The following OTULINL variants were observed in gnomAD, a reference collection of about 807,000 sequenced individuals.
OTULINL encodes the protein OTU deubiquitinase with linear linkage specificity like, also known as inactive ubiquitin thioesterase OTULINL.
A neutral mutation model predicts 43.9 loss-of-function variants in OTULINL; 42 were observed. That is an observed-to-expected ratio of 0.96 (90% CI 0.75 to 1.24). OTULINL has a LOEUF of 1.24. OTULINL is among the 50% of genes most tolerant of loss of function. OTULINL has a pLI of 0.00. For missense variants in OTULINL, 411 were observed against 426.4 expected (o/e 0.96, Z 0.32); for synonymous variants, 172 against 153.6 (o/e 1.12, Z -0.88).
Position 14,615,812 on chromosome 5 carries a change from C to T in OTULINL, c.*5498C>T, listed in dbSNP as rs1197554305. Among the ~76,000 whole-genome samples the T allele has an allele frequency of 6.6e-6, 1 of 152,198 alleles. No homozygotes were observed. The highest frequency in any genetic ancestry group is 1.5e-5 in the Non-Finnish European group (1 of 68,040). ...GGTAACAATGAAGTGCTCCAATCTG[C>T]TTGTGAGACCAGTTAGATTAGTAGT... is the stretch of plus-strand genomic sequence containing the variant. On this transcript the variant is annotated 3_prime_UTR_variant, in exon 8 of 8. Transcript: ENST00000274217.
At chr5:14,588,054 A>G (rs1759138150) in intron 1 of OTULINL, among the ~76,000 whole-genome samples, 1 of 152,152 alleles carries the variant, frequency 6.6e-6, no homozygotes, top group South Asian at 2.1e-4. Flanking sequence ...ACCCAGCATG[A>G]ACTTCCAAGG....
chr5:14,583,647 T>A (rs1759056275), intron 1 of OTULINL, among the ~76,000 whole-genome samples: 2 of 152,188 alleles, frequency 1.3e-5, no homozygotes, highest in Admixed American at 1.3e-4. Context: ...GCAGTTGGTG[T>A]GCAGCAGAGG....
intron 5 of OTULINL, 74 bp downstream of exon 5, chr5:14,602,406 G>A: frequency 7.2e-7 from 1 of 1,393,510 alleles, no homozygotes. Context: ...AGTCTTTGGG[G>A]GCTTTGTACT....
In OTULINL at chr5:14,581,828, C is replaced by A. The variant is rs939520871; in HGVS notation, c.-67C>A. 4 of 1,251,280 alleles carry A rather than the reference C, an allele frequency of 3.2e-6. No homozygotes were observed. The highest frequency in any genetic ancestry group is 1.6e-5 in the African/African-American group (1 of 63,070). 77.5% of individuals were successfully genotyped at this position (1,251,280 alleles called of 1,614,324 possible). A position where few individuals can be genotyped will look rare whatever the true frequency, so the allele number is the denominator to read the frequency against. ...GCGAGCCCGGGCGCCGGCGGGCGGC[C>A]GTCGCGTCTGACAGACCACTGCAGA... On this transcript the variant is annotated 5_prime_UTR_variant, in exon 1 of 8. Coordinates refer to ENST00000274217, the MANE Select transcript of OTULINL (RefSeq NM_019018.3).
rs1759614737 is a variant in OTULINL, at chr5:14,613,433, TA to T, written c.*3123del. 6.6e-6 allele frequency among the ~76,000 whole-genome samples: 1 copy of T among 152,146 alleles called. No individual in the cohort carries two copies. The highest frequency in any genetic ancestry group is 2.4e-5 in the African/African-American group (1 of 41,430). On this transcript the variant is annotated 3_prime_UTR_variant, in exon 8 of 8. Transcript: ENST00000274217. ...CTAATCTGAGTATTTCCTCTGGGCT[TA>T]AAAGAGCCTCAGTGGAGAAGTACAA...
chr5:14,602,427 T>C, intron 5 of OTULINL, 95 bp downstream of exon 5: 1 of 1,229,274 alleles, frequency 8.1e-7, no homozygotes. Context: ...CAGATGACCA[T>C]GAGATTGAAG....
Position 14,610,145 on chromosome 5 carries a change from A to G in OTULINL, c.902A>G (p.Asp301Gly), listed in dbSNP as rs568330735. Residue 301 changes from aspartate (D) to glycine (G), a missense_variant, in exon 8 of 8, where the codon GAT (aspartate) becomes GGT (glycine). Physicochemically the swap from Asp to Gly is moderately conservative, Grantham distance 94 (BLOSUM62 -1). Coordinates refer to ENST00000274217, the MANE Select transcript of OTULINL (RefSeq NM_019018.3). ...VGDTCGLEQI[D>G]MFILGYSLEV... ...TGTCTTTCATCTCATCCACAGATTG[A>G]TATGTTTATACTTGGATACTCCCTT... is the stretch of plus-strand genomic sequence containing the variant. 11 of 1,612,684 alleles carry G rather than the reference A, an allele frequency of 6.8e-6. No individual in the cohort carries two copies. Among genetic ancestry groups the G allele is most frequent in the African/African-American group, 5.3e-5 (4 of 75,008 alleles).
Position 14,613,660 on chromosome 5 carries a change from C to A in OTULINL, c.*3346C>A, listed in dbSNP as rs1460990480. On this transcript the variant is annotated 3_prime_UTR_variant, in exon 8 of 8. Coordinates refer to ENST00000274217, the MANE Select transcript of OTULINL (RefSeq NM_019018.3). ...CCAAGAAACTATTAATTCAGAGCCA[C>A]CCTGGTGAGTTGAATTTCTTGAATG... Among the ~76,000 whole-genome samples, 6 of 152,186 alleles carry A rather than the reference C, an allele frequency of 3.9e-5. No individual in the cohort carries two copies. The highest frequency in any genetic ancestry group is 2.0e-4 in the Admixed American group (3 of 15,282).
Position 14,607,361 on chromosome 5 carries a change from G to A in OTULINL, c.530G>A (p.Cys177Tyr). ...LPEKLLFSQG[C>Y]NWIQQYSFGP... Reference sequence around the variant, plus strand: ...GAAAAACTGCTGTTTTCACAAGGTTGTAATTGGATTCAGCAGTACAGTTTT... The same window carrying A: ...GAAAAACTGCTGTTTTCACAAGGTTATAATTGGATTCAGCAGTACAGTTTT... The change falls in exon 6 of 8, where the codon TGT becomes TAT. Residue 177 changes from cysteine to tyrosine, a missense_variant. Coordinates refer to ENST00000274217, the MANE Select transcript of OTULINL (RefSeq NM_019018.3). The A allele has an allele frequency of 6.2e-7, 1 of 1,614,002 alleles. No individual in the cohort carries two copies. Among genetic ancestry groups the A allele is most frequent in the Non-Finnish European group, 8.5e-7 (1 of 1,179,974 alleles).
chr5:14,594,976 A>G (rs189411362), intron 1 of OTULINL, among the ~76,000 whole-genome samples: 6 of 152,192 alleles, frequency 3.9e-5, no homozygotes, highest in Admixed American at 2.6e-4. Flanking sequence ...ACTAACCATA[A>G]TAGGACATTG....
intron 5 of OTULINL, among the ~76,000 whole-genome samples, chr5:14,604,237 G>C (rs749842398): frequency 8.5e-5 from 13 of 152,210 alleles, no homozygotes; most frequent in African/African-American, 1.7e-4. Context: ...GGGAGACTAT[G>C]ATGGGAGGAT....
At chr5:14,587,849 G>A (rs1759133536) in intron 1 of OTULINL, among the ~76,000 whole-genome samples, 1 of 152,156 alleles carries the variant, frequency 6.6e-6, no homozygotes, top group Admixed American at 6.5e-5. Flanking sequence ...TCTCCCATAT[G>A]TAATTGATTC....
At chr5:14,591,267 T>C (rs1181458780) in intron 1 of OTULINL, among the ~76,000 whole-genome samples, 1 of 152,216 alleles carries the variant, frequency 6.6e-6, no homozygotes, top group African/African-American at 2.4e-5. Context: ...TTTGTTTCCC[T>C]TCCCATGTTC....
At position 14,610,435 on chromosome 5, in the gene OTULINL, A is replaced by AT. The variant is rs1438716411; in HGVS notation, c.*123dup. On this transcript the variant is annotated 3_prime_UTR_variant, in exon 8 of 8. Coordinates refer to ENST00000274217, the MANE Select transcript of OTULINL (RefSeq NM_019018.3). ...AAGGAATTAGGACCTTTTCTTCAGG[A>AT]TTACAGGTACACTGGATGCAGCCAT... 2 of 999,980 alleles carry AT rather than the reference A, an allele frequency of 2.0e-6. No individual in the cohort carries two copies. Among genetic ancestry groups the AT allele is most frequent in the Non-Finnish European group, 2.9e-6 (2 of 685,492 alleles). 61.9% of individuals were successfully genotyped at this position (999,980 alleles called of 1,614,324 possible).
At chr5:14,606,996 A>G (rs975169134) in intron 5 of OTULINL, among the ~76,000 whole-genome samples, 6 of 152,204 alleles carry the variant, frequency 3.9e-5, no homozygotes, top group African/African-American at 1.4e-4. Context: ...TGGGAGGCCA[A>G]GGCGGGCAGA....
At chr5:14,599,710 C>T (rs1375739696) in intron 1 of OTULINL, among the ~76,000 whole-genome samples, 8 of 152,152 alleles carry the variant, frequency 5.3e-5, no homozygotes, top group Non-Finnish European at 1.2e-4. Context: ...GGTCATTATT[C>T]AAAGTCCTCT....
At chr5:14,594,498 A>G (rs1759254891) in intron 1 of OTULINL, among the ~76,000 whole-genome samples, 1 of 152,268 alleles carries the variant, frequency 6.6e-6, no homozygotes. Flanking sequence ...GGAGGTGCTC[A>G]CCCAACCAGC....
At chr5:14,605,915 T>C (rs1759467278) in intron 5 of OTULINL, among the ~76,000 whole-genome samples, 2 of 152,222 alleles carry the variant, frequency 1.3e-5, no homozygotes, top group Non-Finnish European at 2.9e-5. Flanking sequence ...TTCCACGTTT[T>C]CCTGTCCTCT....
At chr5:14,584,189 TC>T (rs1759066063) in intron 1 of OTULINL, among the ~76,000 whole-genome samples, 1 of 152,180 alleles carries the variant, frequency 6.6e-6, no homozygotes, top group Non-Finnish European at 1.5e-5. Flanking sequence ...CCCACACTCT[TC>T]CTTGCTCTTC....
Sources: gnomAD v4.1 joint callset for allele counts (sites outside exome capture counted in the v4.1 genomes callset) on GRCh38, gnomAD v4.1.1 for gene constraint, MANE v1.5 for transcripts, NCBI Gene and HGNC (gene_info 2026-07-23, HGNC 2026-07-21) for gene names.